ATPAF1: variants seen among roughly 807,000 people sequenced by gnomAD.
The protein encoded by ATPAF1 is homolog of yeast ATP11.
Under a neutral mutation model 43.9 loss-of-function variants are expected in ATPAF1, and 26 were observed. The ratio of observed to expected loss-of-function variants is 0.59; its 90% CI spans 0.43 to 0.82. The LOEUF is 0.82. Among genes scored for constraint, ATPAF1 ranks in the 40% least tolerant of loss-of-function variants. ATPAF1 has a pLI of 0.00. For missense variants in ATPAF1, 366 were observed against 435.0 expected, an observed-to-expected ratio of 0.84 and a Z score of 1.41; for synonymous variants, 157 against 168.0, an observed-to-expected ratio of 0.93 and a Z score of 0.50.
intron 8 of ATPAF1, among the ~76,000 whole-genome samples, chr1:46,637,235 C>T (rs1204007393): frequency 6.6e-6 from 1 of 151,914 alleles, no homozygotes; most frequent in Non-Finnish European, 1.5e-5. Context: ...GAGAAATTAG[C>T]CAGATGTGGT....
chr1:46,652,639 GA>G lies in ATPAF1; in HGVS notation c.541-12del. 6.2e-7 allele frequency: 1 copy of G among 1,611,214 alleles called. No individual in the cohort carries two copies. The highest frequency in any genetic ancestry group is 8.5e-7 in the Non-Finnish European group (1 of 1,178,168). On this transcript the variant is annotated splice_polypyrimidine_tract_variant and intron_variant, in intron 5 of 8. Coordinates refer to ENST00000574428, the Ensembl canonical transcript of ATPAF1. Reference sequence around the variant, plus strand: ...ATCAAACTTTTCTGCCTGTAGGTTGGAAAAGAATAAAGTTAACCTACACATA... The same window carrying G: ...ATCAAACTTTTCTGCCTGTAGGTTGGAAAGAATAAAGTTAACCTACACATA...
At chr1:46,663,513 T>G (rs1326385485) in intron 2 of ATPAF1, among the ~76,000 whole-genome samples, 2 of 152,220 alleles carry the variant, frequency 1.3e-5, no homozygotes, top group Non-Finnish European at 2.9e-5. Flanking sequence ...TGGTTTTGAT[T>G]TGCATTTCTC....
intron 8 of ATPAF1, among the ~76,000 whole-genome samples, chr1:46,639,866 T>A (rs1675918645): frequency 6.6e-6 from 1 of 152,204 alleles, no homozygotes; most frequent in Non-Finnish European, 1.5e-5. Context: ...TTAACAATGA[T>A]GAGAACTGCA....
intron 1 of ATPAF1, chr1:46,665,666 T>C: frequency 1.2e-5 from 18 of 1,535,574 alleles, no homozygotes; most frequent in Non-Finnish European, 1.6e-5. Context: ...ACTTAGAATT[T>C]TGAGGTCATC....
intron 7 of ATPAF1, 67 bp downstream of exon 7, chr1:46,645,094 G>GC (rs3215990): frequency 0.95 from 1,215,878 of 1,282,892 alleles, 584,648 homozygotes; most frequent in Non-Finnish European, 1. Context: ...TTGAGCCTCA[G>GC]CAAGGGTTTC....
chr1:46,652,476 G>T, intron 6 of ATPAF1, 105 bp downstream of exon 6: 1 of 1,126,798 alleles, frequency 8.9e-7, no homozygotes, highest in South Asian at 1.4e-5. Context: ...TAAGTAAACA[G>T]AGCACTATAA....
chr1:46,655,977 T>C (rs576525498), intron 4 of ATPAF1, among the ~76,000 whole-genome samples: 60 of 152,370 alleles, frequency 3.9e-4, no homozygotes, highest in Non-Finnish European at 6.9e-4. Context: ...TAGGCAGGTA[T>C]CTGCTGTGTT....
At chr1:46,645,383 A>C (rs1036113319) in intron 6 of ATPAF1, 127 bp from the exon 7 acceptor site, 22 of 747,588 alleles carry the variant, frequency 2.9e-5, no homozygotes, top group Non-Finnish European at 4.6e-5. Flanking sequence ...TATTTTTTTG[A>C]GACAGGTTCT....
exon 8 of ATPAF1, chr1:46,643,276 T>C: frequency 6.2e-7 from 1 of 1,613,552 alleles, no homozygotes; most frequent in Non-Finnish European, 8.5e-7. Context: ...TAAAATCAGC[T>C]GGCTGGCTGC....
In ATPAF1 at chr1:46,667,910, G is replaced by A. The variant is rs191550931; in HGVS notation, c.266+147C>T. ...CAATTAGCTGTGTGATCTTGGGCAA[G>A]TGACCTAGCCTCGCGGAGCCTGGCT... is the stretch of plus-strand genomic sequence containing the variant. On this transcript the variant is annotated intron_variant, in intron 1 of 8. Transcript: ENST00000574428. The A allele has an allele frequency of 1.3e-3, 734 of 584,642 alleles. 4 individuals are homozygous for A. In the African/African-American group the frequency reaches 0.013, roughly 10 times the overall value. The allele number at this position is 584,642 out of a possible 1,614,324, so 36.2% of individuals were successfully genotyped here.
At chr1:46,635,656 T>C (rs1266647298) in exon 9 of ATPAF1, 15 of 955,892 alleles carry the variant, frequency 1.6e-5, no homozygotes, top group East Asian at 2.4e-5. Flanking sequence ...GACAAGCACA[T>C]AGGGCAACTC....
intron 4 of ATPAF1, among the ~76,000 whole-genome samples, chr1:46,654,624 T>C (rs1466232984): frequency 4.6e-5 from 7 of 151,508 alleles, no homozygotes; most frequent in Non-Finnish European, 5.9e-5. Flanking sequence ...GTGTGCCATG[T>C]TGGTTTGCTG....
At chr1:46,662,403 T>C (rs1025605221) in intron 2 of ATPAF1, among the ~76,000 whole-genome samples, 1 of 152,130 alleles carries the variant, frequency 6.6e-6, no homozygotes, top group Non-Finnish European at 1.5e-5. Flanking sequence ...CTATTTGTCA[T>C]AGGAGTTGAA....
Position 46,663,162 on chromosome 1 carries a change from T to G in ATPAF1, c.375+2094A>C, listed in dbSNP as rs189005921. Among the ~76,000 whole-genome samples, 123 of 152,378 alleles carry G rather than the reference T, an allele frequency of 8.1e-4. 2 individuals are homozygous for G. Among genetic ancestry groups the G allele is most frequent in the Non-Finnish European group, 7.9e-4 (54 of 68,040 alleles). On this transcript the variant is annotated intron_variant, in intron 2 of 8. Coordinates refer to ENST00000574428, the Ensembl canonical transcript of ATPAF1. ...ATTCCATGGTGTATATGTGCCACATTTTCTTGATTCAGTCTATCATTGTTG... is the reference window on the plus strand; with the variant it reads ...ATTCCATGGTGTATATGTGCCACATGTTCTTGATTCAGTCTATCATTGTTG...
rs560461718 is a variant in ATPAF1, at chr1:46,654,702, C to T, written c.490-835G>A. On this transcript the variant is annotated intron_variant, in intron 4 of 8. Coordinates refer to ENST00000574428, the Ensembl canonical transcript of ATPAF1. ...ATATCCCTCCCCCAGCCCTCCACCC[C>T]CTGACAGGCCCCAGTGTGTGGTGTT... is the stretch of plus-strand genomic sequence containing the variant. Among the ~76,000 whole-genome samples the T allele has an allele frequency of 1.1e-4, 17 of 152,078 alleles. No individual in the cohort carries two copies. In the South Asian group the frequency reaches 2.9e-3, roughly 26 times the overall value.
Position 46,645,605 on chromosome 1 carries a change from TGCCTCCCTCA to T in ATPAF1, c.589-359_589-350del, listed in dbSNP as rs765824265. On this transcript the variant is annotated intron_variant, in intron 6 of 8. Coordinates refer to ENST00000574428, the Ensembl canonical transcript of ATPAF1. ...CTTGAACTCCCGGGCTCAAGCAATC[TGCCTCCCTCA>T]GCCTCCCAAAGTGATGGGATTATAG... Among the ~76,000 whole-genome samples the T allele has an allele frequency of 2.0e-5, 3 of 152,096 alleles. No homozygotes were observed. In the East Asian group the frequency reaches 5.8e-4, roughly 29 times the overall value.
chr1:46,659,979 CTTT>C (rs202122351), intron 2 of ATPAF1, among the ~76,000 whole-genome samples: 10 of 141,370 alleles, frequency 7.1e-5, no homozygotes, highest in East Asian at 2.0e-4. Context: ...TTCTTTCTTT[CTTT>C]TTTTTTTTTT....
intron 2 of ATPAF1, chr1:46,664,889 C>T: frequency 4.9e-6 from 1 of 205,484 alleles, no homozygotes; most frequent in Non-Finnish European, 9.8e-6. Context: ...CATCAAAGTC[C>T]CATTCCTTCC....
upstream of ATPAF1, chr1:46,668,484 G>A: frequency 1.1e-6 from 1 of 949,562 alleles, no homozygotes; most frequent in Non-Finnish European, 1.3e-6. This position sits in a 1 kb window ranked among gnomAD's most constrained non-coding sequence, Gnocchi z 4.4. Context: ...GGGGCGGGGA[G>A]GAGGGGGCGC....
Sources: allele counts gnomAD v4.1 joint callset (sites outside exome capture counted in the v4.1 genomes callset), GRCh38; gene constraint gnomAD v4.1.1; non-coding constraint Gnocchi (gnomAD v3.1); transcripts MANE v1.5; gene names NCBI Gene and HGNC (gene_info 2026-07-23, HGNC 2026-07-21).